The following OSBP2 variants were observed in gnomAD, a reference collection of about 807,000 sequenced individuals.
OSBP2 encodes the protein oxysterol binding protein 2, also known as oxysterol-binding protein 2.
In OSBP2, 66 loss-of-function variants were observed where a neutral mutation model predicts 96.0. The ratio of observed to expected loss-of-function variants is 0.69; its 90% CI spans 0.56 to 0.84. The LOEUF is 0.84. Ranked by LOEUF, OSBP2 falls within the 40% of genes least tolerant of loss-of-function variation. The pLI is 0.00. For missense variants in OSBP2, 1,038 were observed against 1,222.7 expected (o/e 0.85, Z 2.25); for synonymous variants, 525 against 520.9 (o/e 1.01, Z -0.11).
chr22:30,714,225 C>T (rs1277018414), intron 1 of OSBP2, among the ~76,000 whole-genome samples: 1 of 152,154 alleles, frequency 6.6e-6, no homozygotes, highest in African/African-American at 2.4e-5. Context: ...GCATGTTGTG[C>T]ACATACAAGA....
intron 2 of OSBP2, among the ~76,000 whole-genome samples, chr22:30,784,065 G>A (rs1210413644): frequency 6.6e-6 from 1 of 152,156 alleles, no homozygotes; most frequent in Non-Finnish European, 1.5e-5. Context: ...TCCTGAGTGG[G>A]TAGTTTCATA....
intron 2 of OSBP2, among the ~76,000 whole-genome samples, chr22:30,840,230 C>T (rs2038721409): frequency 6.9e-6 from 1 of 145,086 alleles, no homozygotes; most frequent in Non-Finnish European, 1.5e-5. Flanking sequence ...AAGAAAGAAA[C>T]TTAAAGTGCA....
intron 2 of OSBP2, among the ~76,000 whole-genome samples, chr22:30,864,639 C>T (rs1399985925): frequency 6.6e-6 from 1 of 152,126 alleles, no homozygotes; most frequent in Non-Finnish European, 1.5e-5. Flanking sequence ...AGCATCCTCC[C>T]CCAGGCCCCT....
chr22:30,811,851 G>A (rs1332667090), intron 2 of OSBP2, among the ~76,000 whole-genome samples: 1 of 149,730 alleles, frequency 6.7e-6, no homozygotes, highest in Admixed American at 6.7e-5. Flanking sequence ...CACCGCGCCC[G>A]GCCTATTTTT....
intron 1 of OSBP2, among the ~76,000 whole-genome samples, chr22:30,720,400 G>T (rs140377384): frequency 6.6e-6 from 1 of 152,156 alleles, no homozygotes; most frequent in Admixed American, 6.5e-5. Context: ...GCAAAATGGT[G>T]CAGGCAATTG....
chr22:30,891,702 G>A (rs2147161621), intron 8 of OSBP2, among the ~76,000 whole-genome samples: 1 of 152,188 alleles, frequency 6.6e-6, no homozygotes, highest in East Asian at 1.9e-4. Context: ...TGAGCCAGCT[G>A]GTTTGCCGAC....
intron 2 of OSBP2, among the ~76,000 whole-genome samples, chr22:30,847,755 A>G (rs964420569): frequency 6.6e-6 from 1 of 152,046 alleles, no homozygotes; most frequent in African/African-American, 2.4e-5. Context: ...TAAGTTGTCA[A>G]GTTTGTGAGC....
At chr22:30,880,728 T>G (rs1334868608) in intron 3 of OSBP2, among the ~76,000 whole-genome samples, 1 of 152,170 alleles carries the variant, frequency 6.6e-6, no homozygotes, top group African/African-American at 2.4e-5. Context: ...GTGAGATCAC[T>G]GTCAGGATTA....
intron 2 of OSBP2, among the ~76,000 whole-genome samples, chr22:30,797,496 C>G (rs2090780883): frequency 6.6e-6 from 1 of 152,126 alleles, no homozygotes; most frequent in Admixed American, 6.5e-5. Flanking sequence ...GTTGGCCAGG[C>G]TGGTCTCAAA....
chr22:30,822,660 C>T, intron 2 of OSBP2: 1 of 1,533,932 alleles, frequency 6.5e-7, no homozygotes, highest in Non-Finnish European at 8.7e-7. Context: ...GGGACACGGC[C>T]TCCGTGCGCT....
At chr22:30,876,921 G>A (rs961518512) in intron 3 of OSBP2, among the ~76,000 whole-genome samples, 1 of 152,120 alleles carries the variant, frequency 6.6e-6, no homozygotes, top group African/African-American at 2.4e-5. Flanking sequence ...CCTTGATCAG[G>A]GTCAGGAGGT....
chr22:30,703,839 G>A (rs967469740), intron 1 of OSBP2, among the ~76,000 whole-genome samples: 6 of 152,180 alleles, frequency 3.9e-5, no homozygotes, highest in African/African-American at 7.2e-5. Flanking sequence ...ACTGTTGGAA[G>A]CCAGCTATTG....
Position 30,906,075 on chromosome 22 carries a change from G to A in OSBP2, c.2608+6G>A. On this transcript the variant is annotated splice_donor_region_variant and intron_variant, in intron 13 of 13. Coordinates refer to ENST00000332585, the MANE Select transcript of OSBP2 (RefSeq NM_030758.4). ...CAGCTGCAGCTCGGAGGAAGGTGAG[G>A]CCGGGCGGGAAGGGCGCCCCGGAGG... The A allele has an allele frequency of 6.4e-7, 1 of 1,571,206 alleles. No homozygotes were observed. Among genetic ancestry groups the A allele is most frequent in the Non-Finnish European group, 8.6e-7 (1 of 1,159,892 alleles).
chr22:30,894,958 A>G (rs1215755321), intron 12 of OSBP2, among the ~76,000 whole-genome samples: 2 of 152,238 alleles, frequency 1.3e-5, no homozygotes, highest in African/African-American at 2.4e-5. Context: ...AGACCTGCAC[A>G]AAAGGATATA....
intron 1 of OSBP2, among the ~76,000 whole-genome samples, chr22:30,698,282 A>G (rs2180079): frequency 0.99 from 150,916 of 152,204 alleles, 74,823 homozygotes; most frequent in East Asian, 1. Flanking sequence ...GTTGGAAATA[A>G]AGTGAAAGAA....
At chr22:30,729,867 T>C (rs1313344945) in intron 1 of OSBP2, among the ~76,000 whole-genome samples, 1 of 152,088 alleles carries the variant, frequency 6.6e-6, no homozygotes, top group African/African-American at 2.4e-5. Flanking sequence ...AGCCAGGCTC[T>C]CGTGGACTTC....
intron 2 of OSBP2, chr22:30,822,525 C>T: frequency 4.4e-6 from 6 of 1,375,558 alleles, no homozygotes; most frequent in Non-Finnish European, 5.6e-6. Context: ...CGAGTGTCCG[C>T]CGCCTCCGCC....
At chr22:30,765,699 T>C (rs999529466) in intron 2 of OSBP2, among the ~76,000 whole-genome samples, 10 of 152,198 alleles carry the variant, frequency 6.6e-5, no homozygotes, top group African/African-American at 2.4e-4. Flanking sequence ...ACATATTTAT[T>C]TAATGTGCTG....
chr22:30,720,327 C>T (rs73400364), intron 1 of OSBP2, among the ~76,000 whole-genome samples: 7,475 of 152,192 alleles, frequency 0.049, 631 homozygotes, highest in African/African-American at 0.17. Context: ...ATGAGGGCTG[C>T]GGTCATTTGA....
Sources: allele counts gnomAD v4.1 joint callset (sites outside exome capture counted in the v4.1 genomes callset), GRCh38; gene constraint gnomAD v4.1.1; transcripts MANE v1.5; gene names NCBI Gene and HGNC (gene_info 2026-07-23, HGNC 2026-07-21).